Variants in TULP2 observed in about 807,000 individuals in gnomAD.
The protein encoded by TULP2 is tubby-related protein 2.
A neutral mutation model predicts 60.3 loss-of-function variants in TULP2; 64 were observed. The observed-to-expected ratio is 1.06, with a 90% CI of 0.87 to 1.31. TULP2 has a LOEUF of 1.31. Among genes scored for constraint, TULP2 ranks in the 50% most tolerant of loss-of-function variants. TULP2 has a pLI of 0.00. For synonymous variants in TULP2, 267 were observed against 265.4 expected (o/e 1.01, Z -0.06); for missense variants, 652 against 667.0 (o/e 0.98, Z 0.25).
Position 48,897,738 on chromosome 19 carries a change from G to A in TULP2, c.32+99C>T. On this transcript the variant is annotated intron_variant, in intron 2 of 12. Coordinates refer to ENST00000221399, the MANE Select transcript of TULP2 (RefSeq NM_003323.3). This position sits in a 1 kb window ranked among gnomAD's most constrained non-coding sequence, Gnocchi z 4.0. ...CCCAGCCCCTTCCTGCAAGGCCGAT[G>A]GTGCTGAACCTGCAAACATGGTTAT... The A allele has an allele frequency of 4.6e-6, 6 of 1,304,242 alleles. No homozygotes were observed. Among genetic ancestry groups the A allele is most frequent in the Non-Finnish European group, 6.7e-6 (6 of 900,156 alleles). The allele number at this position is 1,304,242 out of a possible 1,614,324, so 80.8% of individuals were successfully genotyped here.
At chr19:48,889,936 G>A (rs561889132) in intron 6 of TULP2, among the ~76,000 whole-genome samples, 1 of 148,694 alleles carries the variant, frequency 6.7e-6, no homozygotes, top group African/African-American at 2.5e-5. Context: ...CCGCGGAAGG[G>A]CGCAGGGACC....
chr19:48,884,191 C>T (rs2037159683), intron 9 of TULP2, 145 bp from the exon 10 acceptor site: 1 of 690,036 alleles, frequency 1.4e-6, no homozygotes, highest in Middle Eastern at 3.4e-4. Context: ...TGGCTGGGCA[C>T]AGGGGCTCAC....
At chr19:48,882,310 C>CGACTCCA in intron 11 of TULP2, 107 bp from the exon 12 acceptor site, 1 of 1,304,650 alleles carries the variant, frequency 7.7e-7, no homozygotes, top group Non-Finnish European at 1.1e-6. Flanking sequence ...TGAACAGGGG[C>CGACTCCA]TGGGTAAAAT....
chr19:48,894,535 G>C (rs977847774), intron 6 of TULP2, among the ~76,000 whole-genome samples: 9 of 152,044 alleles, frequency 5.9e-5, no homozygotes, highest in Non-Finnish European at 1.3e-4. Context: ...CAGCTACTTG[G>C]GAGGCTGAGG....
intron 11 of TULP2, among the ~76,000 whole-genome samples, chr19:48,882,560 G>A (rs1364822008): frequency 6.6e-6 from 1 of 152,130 alleles, no homozygotes; most frequent in African/African-American, 2.4e-5. Context: ...AAGGAGACAG[G>A]GTCATTTATA....
intron 8 of TULP2, among the ~76,000 whole-genome samples, chr19:48,887,516 G>A (rs749626645): frequency 4.0e-5 from 6 of 151,078 alleles, no homozygotes; most frequent in African/African-American, 7.3e-5. Context: ...TAAAGACGGG[G>A]TTTTGCCATG....
At chr19:48,887,928 C>CT in intron 8 of TULP2, 22 bp downstream of exon 8, 1 of 1,599,224 alleles carries the variant, frequency 6.3e-7, no homozygotes, top group Non-Finnish European at 8.6e-7. Context: ...ACTCCCAAAG[C>CT]TGTTGGGCTG....
In TULP2 at chr19:48,895,348, C is replaced by A. The variant is rs781470412; in HGVS notation, c.349+18G>T. On this transcript the variant is annotated intron_variant, in intron 5 of 12. Transcript: ENST00000221399. Reference sequence around the variant, plus strand: ...GACGGAGTTCTGGGGTCTAGGAGGTCGGTGGACTCGCAAATACCTGCTTCT... The same window carrying A: ...GACGGAGTTCTGGGGTCTAGGAGGTAGGTGGACTCGCAAATACCTGCTTCT... 1 of 1,611,758 alleles carries A rather than the reference C, an allele frequency of 6.2e-7. No homozygotes were observed. The highest frequency in any genetic ancestry group is 2.2e-5 in the East Asian group (1 of 44,858).
rs57184823 is a variant in TULP2, at chr19:48,887,544, T to C, written c.948+406A>G. ...TTGCCATGTTGTTCAGGCTGGTCTT[T>C]TTTGTGTTTGTTGGTTGGTTTTTTG... On this transcript the variant is annotated intron_variant, in intron 8 of 12. Transcript: ENST00000221399. 5.8e-3 allele frequency among the ~76,000 whole-genome samples: 872 copies of C among 150,826 alleles called. 13 individuals carry two copies. Among genetic ancestry groups the C allele is most frequent in the African/African-American group, 0.02 (825 of 41,176 alleles).
chr19:48,889,382 C>G, intron 7 of TULP2, 128 bp downstream of exon 7: 2 of 1,459,106 alleles, frequency 1.4e-6, no homozygotes, highest in Non-Finnish European at 1.8e-6. Context: ...ACACAAGTCT[C>G]TGCCAGCTTA....
chr19:48,889,309 A>G (rs2037211312), intron 7 of TULP2, among the ~76,000 whole-genome samples: 1 of 152,114 alleles, frequency 6.6e-6, no homozygotes, highest in South Asian at 2.1e-4. Flanking sequence ...TGTCAAGTCA[A>G]ATCCTCTGAT....
chr19:48,882,428 C>G (rs1429876957), intron 11 of TULP2, among the ~76,000 whole-genome samples: 11 of 152,104 alleles, frequency 7.2e-5, no homozygotes, highest in Admixed American at 5.9e-4. Context: ...AATGCTTGTT[C>G]CCCGGTGCAG....
chr19:48,881,088 C>T lies in TULP2; in HGVS notation c.1486G>A (p.Asp496Asn). 1.2e-6 allele frequency: 2 copies of T among 1,613,272 alleles called. No individual in the cohort carries two copies. The highest frequency in any genetic ancestry group is 2.2e-5 in the East Asian group (1 of 44,836). The change falls in exon 13 of 13, where the codon GAC becomes AAC. Residue 496 changes from aspartate to asparagine, a missense_variant. By Grantham distance (23) the Asp-to-Asn change is conservative (BLOSUM62 1). Transcript: ENST00000221399. ...LVLQFGRVGP[D>N]TFTMDFCFPF... Reference sequence around the variant, plus strand: ...AAGCAGAAGTCCATGGTGAATGTGTCTGGGCCCACTCGGCCGAACTGGAGC... The same window carrying T: ...AAGCAGAAGTCCATGGTGAATGTGTTTGGGCCCACTCGGCCGAACTGGAGC...
rs767972483 is a variant in TULP2, at chr19:48,883,956, T to C, written c.1152A>G (p.Arg384=). The change falls in exon 10 of 13, where the codon AGA becomes AGG. Residue 384 remains arginine (R), a synonymous_variant. Coordinates refer to ENST00000221399, the MANE Select transcript of TULP2 (RefSeq NM_003323.3). The part of the protein sequence containing the change: ...EHLTRNTARI[R]QELGAVCYEP... ...CATAACACACAGCCCCCAGCTCCTG[T>C]CTGATCCGGGCAGTATTCCTGGTTA... 1 of 1,614,114 alleles carries C rather than the reference T, an allele frequency of 6.2e-7. No homozygotes were observed. The highest frequency in any genetic ancestry group is 8.5e-7 in the Non-Finnish European group (1 of 1,180,030).
In TULP2 at chr19:48,887,311, C is replaced by CTTTTTTTTTTTTTTTTTTTTTTTTTTTTT. The variant is rs58640342; in HGVS notation, c.948+610_948+638dup. ...CAAGTGTGAGCCACCGCGCCCAGCC[C>CTTTTTTTTTTTTTTTTTTTTTTTTTTTTT]TTTTTTTTTTTTTTTTTTTTTTTTT... is the stretch of plus-strand genomic sequence containing the variant. On this transcript the variant is annotated intron_variant, in intron 8 of 12. Coordinates refer to ENST00000221399, the MANE Select transcript of TULP2 (RefSeq NM_003323.3). Among the ~76,000 whole-genome samples, 4 of 39,376 alleles carry CTTTTTTTTTTTTTTTTTTTTTTTTTTTTT rather than the reference C, an allele frequency of 1.0e-4. 1 individual carries two copies. The highest frequency in any genetic ancestry group is 1.6e-4 in the Non-Finnish European group (3 of 19,332). The allele number at this position is 39,376 out of a possible 152,430, so 25.8% of individuals were successfully genotyped here.
intron 6 of TULP2, among the ~76,000 whole-genome samples, chr19:48,891,698 G>T (rs1172906715): frequency 6.6e-6 from 1 of 152,170 alleles, no homozygotes; most frequent in African/African-American, 2.4e-5. Context: ...ACAAAGTATA[G>T]AGGAAGAAAA....
intron 8 of TULP2, 73 bp downstream of exon 8, chr19:48,887,877 G>C (rs2037196158): frequency 6.6e-7 from 1 of 1,520,850 alleles, no homozygotes; most frequent in South Asian, 1.2e-5. Context: ...TCTTGACCTA[G>C]CTCAGAAAGG....
chr19:48,897,835 ACT>A lies in TULP2; in HGVS notation c.32_32+1del. 6.2e-7 allele frequency: 1 copy of A among 1,612,448 alleles called. No homozygotes were observed. The highest frequency in any genetic ancestry group is 8.5e-7 in the Non-Finnish European group (1 of 1,179,404). On this transcript the variant is annotated splice_donor_variant and coding_sequence_variant, in exon 2 of 13. Transcript: ENST00000221399. LOFTEE classifies it high-confidence loss of function. This position sits in a 1 kb window ranked among gnomAD's most constrained non-coding sequence, Gnocchi z 4.0. ...CCCCTACCCATCTGTTTCCCTACTC[ACT>A]CTCTCATCAATGTGTCATTATCCTG...
chr19:48,897,914 A>G lies in TULP2; in HGVS notation c.-1-45T>C, dbSNP rs1230755885. The G allele has an allele frequency of 3.2e-6, 5 of 1,574,004 alleles. No homozygotes were observed. The highest frequency in any genetic ancestry group is 4.3e-6 in the Non-Finnish European group (5 of 1,150,324). Reference sequence around the variant, plus strand: ...GAGTCAGGATCAGAACCAACATCCCAATGGATCCTGCCCACCAGCACCTAA... The same window carrying G: ...GAGTCAGGATCAGAACCAACATCCCGATGGATCCTGCCCACCAGCACCTAA... On this transcript the variant is annotated intron_variant, in intron 1 of 12. Coordinates refer to ENST00000221399, the MANE Select transcript of TULP2 (RefSeq NM_003323.3). This position sits in a 1 kb window ranked among gnomAD's most constrained non-coding sequence, Gnocchi z 4.0.
Sources: allele counts gnomAD v4.1 joint callset (sites outside exome capture counted in the v4.1 genomes callset), GRCh38; gene constraint gnomAD v4.1.1; non-coding constraint Gnocchi (gnomAD v3.1); transcripts MANE v1.5; gene names NCBI Gene and HGNC (gene_info 2026-07-23, HGNC 2026-07-21).